The following LDLRAD4 variants were observed in gnomAD, a reference collection of about 807,000 sequenced individuals.
LDLRAD4 encodes low density lipoprotein receptor class A domain containing 4.
In LDLRAD4, 5 loss-of-function variants were observed where a neutral mutation model predicts 17.0. That is an observed-to-expected ratio of 0.29 (90% CI 0.15 to 0.62). The LOEUF is 0.62. LDLRAD4 is among the 20% of genes least tolerant of loss of function. The pLI, the probability that LDLRAD4 is intolerant of heterozygous loss-of-function variation, is 0.84. For missense variants in LDLRAD4, 340 were observed against 424.7 expected, an observed-to-expected ratio of 0.80 and a Z score of 1.75; for synonymous variants, 168 against 171.8, an observed-to-expected ratio of 0.98 and a Z score of 0.17.
At chr18:13,625,104 G>C (rs932161919) in intron 4 of LDLRAD4, among the ~76,000 whole-genome samples, 2 of 152,212 alleles carry the variant, frequency 1.3e-5, no homozygotes, top group Admixed American at 6.5e-5. Context: ...CCTCTGTGGA[G>C]CGCAGCCTCA....
In LDLRAD4 at chr18:13,450,322, CCCCA is replaced by C. The variant is rs1410493878; in HGVS notation, c.181+11942_181+11945del. On this transcript the variant is annotated intron_variant, in intron 3 of 5. Transcript: ENST00000359446. ...GGGCCAGTGCAGTTAGCTTCTCTCC[CCCCA>C]CCCCCCCCCCCAAAAAAACACACAA... Among the ~76,000 whole-genome samples, 386 of 65,738 alleles carry C rather than the reference CCCCA, an allele frequency of 5.9e-3. 8 individuals are homozygous for C. The highest frequency in any genetic ancestry group is 0.02 in the African/African-American group (352 of 17,188). 43.1% of individuals were successfully genotyped at this position (65,738 alleles called of 152,430 possible).
chr18:13,307,347 T>G (rs1475561448), intron 1 of LDLRAD4, among the ~76,000 whole-genome samples: 2 of 152,148 alleles, frequency 1.3e-5, no homozygotes, highest in Non-Finnish European at 2.9e-5. Context: ...ATGAAGAACT[T>G]TATGATGGTT....
chr18:13,533,968 G>T (rs965914611), intron 3 of LDLRAD4, among the ~76,000 whole-genome samples: 1 of 152,114 alleles, frequency 6.6e-6, no homozygotes, highest in Non-Finnish European at 1.5e-5. Flanking sequence ...TGAGAGGGTC[G>T]TGAAGCTCTT....
chr18:13,382,570 G>A (rs1568077119), intron 1 of LDLRAD4: 1 of 152,124 alleles, frequency 6.6e-6, no homozygotes, highest in South Asian at 2.1e-4. Context: ...TTCCTGGTTA[G>A]TCCTGCCCAT....
At chr18:13,505,899 C>G (rs2093684428) in intron 3 of LDLRAD4, among the ~76,000 whole-genome samples, 2 of 152,234 alleles carry the variant, frequency 1.3e-5, no homozygotes, top group Admixed American at 1.3e-4. Flanking sequence ...AGACTGATCC[C>G]TAGTGGTCTG....
At chr18:13,414,884 A>G (rs916576309) in intron 2 of LDLRAD4, among the ~76,000 whole-genome samples, 6 of 152,210 alleles carry the variant, frequency 3.9e-5, no homozygotes, top group African/African-American at 9.6e-5. Flanking sequence ...TGCAAAGCCT[A>G]TGGAAGTGTT....
rs559093468 is a variant in LDLRAD4 at position 13,338,195 on chromosome 18, C to T, written c.-382-49146C>T. Among the ~76,000 whole-genome samples the T allele has an allele frequency of 1.3e-4, 20 of 152,306 alleles. No individual in the cohort carries two copies. The East Asian group carries it at 3.5e-3, about 26-fold the overall frequency. On this transcript the variant is annotated intron_variant, in intron 1 of 5. Coordinates refer to ENST00000359446, the Ensembl canonical transcript of LDLRAD4. ...GCTCACAACTTCTCTGAATGCAACTCGTGCTTCATATCATCCACCATGTTT... is the reference window on the plus strand; with the variant it reads ...GCTCACAACTTCTCTGAATGCAACTTGTGCTTCATATCATCCACCATGTTT...
intron 3 of LDLRAD4, among the ~76,000 whole-genome samples, chr18:13,560,863 C>T (rs889574537): frequency 1.3e-5 from 2 of 152,216 alleles, no homozygotes; most frequent in Non-Finnish European, 2.9e-5. Context: ...TGAAATGACT[C>T]TTGGAAGGGC....
chr18:13,643,043 C>T (rs2042736527), intron 4 of LDLRAD4, among the ~76,000 whole-genome samples: 1 of 151,790 alleles, frequency 6.6e-6, no homozygotes, highest in Admixed American at 6.6e-5. Context: ...TTAAGCGATT[C>T]TCCTGCCTCA....
At chr18:13,316,315 T>C (rs1259949859) in intron 1 of LDLRAD4, among the ~76,000 whole-genome samples, 3 of 152,012 alleles carry the variant, frequency 2.0e-5, no homozygotes, top group African/African-American at 4.8e-5. Flanking sequence ...CAGATGACGA[T>C]GAAATGACAG....
chr18:13,344,317 C>T (rs2082551586), intron 1 of LDLRAD4, among the ~76,000 whole-genome samples: 1 of 152,182 alleles, frequency 6.6e-6, no homozygotes, highest in Non-Finnish European at 1.5e-5. Context: ...CCAGTTTTCC[C>T]AGCACCATTT....
intron 1 of LDLRAD4, among the ~76,000 whole-genome samples, chr18:13,358,350 TAGAG>T (rs200256572): frequency 0.011 from 1,632 of 152,140 alleles, 31 homozygotes; most frequent in African/African-American, 0.037. Context: ...ATTTTATATA[TAGAG>T]AGAGATTATA....
chr18:13,485,836 G>A (rs762972130), intron 3 of LDLRAD4, among the ~76,000 whole-genome samples: 3 of 152,146 alleles, frequency 2.0e-5, no homozygotes, highest in Non-Finnish European at 2.9e-5. Context: ...CCATGATCAC[G>A]CCACCACACT....
intron 3 of LDLRAD4, among the ~76,000 whole-genome samples, chr18:13,493,306 A>AGTCT (rs1283729088): frequency 6.6e-6 from 1 of 152,126 alleles, no homozygotes; most frequent in Non-Finnish European, 1.5e-5. Context: ...TAGTCGAGTG[A>AGTCT]GTCTGTCTTT....
At chr18:13,272,376 G>A (rs546805846) in intron 1 of LDLRAD4, among the ~76,000 whole-genome samples, 1 of 152,350 alleles carries the variant, frequency 6.6e-6, no homozygotes, top group South Asian at 2.1e-4. Flanking sequence ...TCCAGAAGAG[G>A]GGACTTGCCG....
intron 3 of LDLRAD4, among the ~76,000 whole-genome samples, chr18:13,602,678 C>T (rs2095178052): frequency 1.3e-5 from 2 of 151,746 alleles, no homozygotes; most frequent in South Asian, 4.2e-4. Flanking sequence ...GAACTTCTGA[C>T]CTTAAGTGAT....
chr18:13,466,921 T>G (rs898572565), intron 3 of LDLRAD4, among the ~76,000 whole-genome samples: 1 of 152,242 alleles, frequency 6.6e-6, no homozygotes. Flanking sequence ...CCTCATGACC[T>G]AATCACCTCC....
intron 1 of LDLRAD4, among the ~76,000 whole-genome samples, chr18:13,270,968 T>A (rs1337787074): frequency 6.6e-6 from 1 of 152,204 alleles, no homozygotes; most frequent in Non-Finnish European, 1.5e-5. Flanking sequence ...TGTGTACATA[T>A]TGCATTTGAA....
intron 3 of LDLRAD4, among the ~76,000 whole-genome samples, chr18:13,475,756 C>T (rs892242024): frequency 6.6e-5 from 10 of 152,082 alleles, no homozygotes; most frequent in Non-Finnish European, 1.3e-4. Flanking sequence ...AATAAGCAGC[C>T]GTGCATGACT....
Sources: gnomAD v4.1 joint callset for allele counts (sites outside exome capture counted in the v4.1 genomes callset) on GRCh38, gnomAD v4.1.1 for gene constraint, MANE v1.5 for transcripts, NCBI Gene and HGNC (gene_info 2026-07-23, HGNC 2026-07-21) for gene names.